Variants in TAOK3 observed in about 807,000 individuals in gnomAD.
TAOK3 encodes TAO kinase 3.
Under a neutral mutation model 120.4 loss-of-function variants are expected in TAOK3, and 40 were observed. The observed-to-expected ratio is 0.33, with a 90% CI of 0.26 to 0.43. The LOEUF (loss-of-function observed/expected upper bound fraction) is 0.43. Ranked by LOEUF, TAOK3 falls within the 20% of genes least tolerant of loss-of-function variation. The pLI, the probability that TAOK3 is intolerant of heterozygous loss-of-function variation, is 1.00. For synonymous variants in TAOK3, 355 were observed against 387.5 expected, an observed-to-expected ratio of 0.92 and a Z score of 0.99; for missense variants, 821 against 1,112.1, an observed-to-expected ratio of 0.74 and a Z score of 3.72.
At chr12:118,173,342 G>A (rs2036124054) in intron 16 of TAOK3, among the ~76,000 whole-genome samples, 1 of 152,188 alleles carries the variant, frequency 6.6e-6, no homozygotes, top group Admixed American at 6.5e-5. Context: ...CCAATATAAG[G>A]ACACTGATCT....
chr12:118,240,202 C>T (rs1343223600), intron 5 of TAOK3, among the ~76,000 whole-genome samples: 9 of 135,876 alleles, frequency 6.6e-5, no homozygotes, highest in African/African-American at 1.1e-4. Context: ...TTTTTTGAGA[C>T]GGAGTTCACT....
chr12:118,355,249 A>T (rs572317867), intron 1 of TAOK3, among the ~76,000 whole-genome samples: 3 of 152,242 alleles, frequency 2.0e-5, no homozygotes, highest in African/African-American at 7.2e-5. Flanking sequence ...AACAAAAAAA[A>T]TTTTTTTAGC....
At chr12:118,162,542 T>C (rs566956654) in intron 17 of TAOK3, among the ~76,000 whole-genome samples, 4 of 152,172 alleles carry the variant, frequency 2.6e-5, no homozygotes, top group Non-Finnish European at 4.4e-5. Flanking sequence ...GCAATCAAGA[T>C]TGAGAATTAA....
At chr12:118,155,380 G>T (rs1455983328) in intron 19 of TAOK3, among the ~76,000 whole-genome samples, 1 of 152,232 alleles carries the variant, frequency 6.6e-6, no homozygotes, top group Admixed American at 6.5e-5. Flanking sequence ...TGGCAAAGCT[G>T]AGTAGCTGTG....
intron 1 of TAOK3, among the ~76,000 whole-genome samples, chr12:118,268,365 A>C (rs375384208): frequency 2.0e-5 from 3 of 152,252 alleles, no homozygotes; most frequent in African/African-American, 7.2e-5. Context: ...ATGCTTGACT[A>C]GCATTGTAGA....
rs866908320 is a variant in TAOK3 at position 118,371,704 on chromosome 12, T to A, written c.-194+944A>T. On this transcript the variant is annotated intron_variant, in intron 1 of 20. Coordinates refer to ENST00000392533, the MANE Select transcript of TAOK3 (RefSeq NM_016281.4). The surrounding 1 kb of genome is among the most constrained non-coding windows in gnomAD (Gnocchi z 5.5). Reference sequence around the variant, plus strand: ...CCGTTCTTGGGGGGGCTCCCGCAACTCAGCGGGCGCGACCCCCCGCCCGCT... The same window carrying A: ...CCGTTCTTGGGGGGGCTCCCGCAACACAGCGGGCGCGACCCCCCGCCCGCT... 1.4e-4 allele frequency among the ~76,000 whole-genome samples: 22 copies of A among 151,896 alleles called. No homozygotes were observed. The highest frequency in any genetic ancestry group is 4.8e-4 in the African/African-American group (20 of 41,334).
At chr12:118,229,796 C>T (rs1036544741) in intron 9 of TAOK3, among the ~76,000 whole-genome samples, 14 of 151,724 alleles carry the variant, frequency 9.2e-5, no homozygotes, top group Non-Finnish European at 1.9e-4. Flanking sequence ...CCAGGCGTGG[C>T]GGCATGCACC....
chr12:118,176,524 T>C (rs900311739), intron 16 of TAOK3, among the ~76,000 whole-genome samples: 2 of 152,064 alleles, frequency 1.3e-5, no homozygotes, highest in African/African-American at 2.4e-5. Context: ...GGAAAATACA[T>C]AGGAAGAAGA....
At chr12:118,186,380 T>C (rs535951988) in intron 14 of TAOK3, among the ~76,000 whole-genome samples, 2 of 152,296 alleles carry the variant, frequency 1.3e-5, no homozygotes, top group African/African-American at 4.8e-5. Context: ...GCTCTTTATA[T>C]TAATATCTCT....
intron 1 of TAOK3, among the ~76,000 whole-genome samples, chr12:118,270,362 T>C (rs1010011665): frequency 1.3e-5 from 2 of 152,208 alleles, no homozygotes; most frequent in African/African-American, 4.8e-5. Flanking sequence ...CATAATCATC[T>C]TTCTAAAGCA....
At chr12:118,332,542 T>G (rs2044195593) in intron 1 of TAOK3, among the ~76,000 whole-genome samples, 1 of 152,202 alleles carries the variant, frequency 6.6e-6, no homozygotes, top group South Asian at 2.1e-4. Flanking sequence ...TTTTTTATTA[T>G]GAGGCTATAG....
At chr12:118,189,272 TA>T (rs1270858384) in intron 14 of TAOK3, among the ~76,000 whole-genome samples, 6 of 152,186 alleles carry the variant, frequency 3.9e-5, no homozygotes, top group African/African-American at 1.2e-4. Context: ...TTTCTACAAT[TA>T]TATACATTAT....
At chr12:118,212,795 G>T in intron 11 of TAOK3, 119 bp downstream of exon 11, 1 of 616,384 alleles carries the variant, frequency 1.6e-6, no homozygotes, top group South Asian at 2.3e-5. Context: ...CAGGATAAAT[G>T]ACAAGGCAGC....
At chr12:118,263,561 T>C (rs527303817) in intron 2 of TAOK3, among the ~76,000 whole-genome samples, 3 of 152,272 alleles carry the variant, frequency 2.0e-5, no homozygotes, top group African/African-American at 7.2e-5. Flanking sequence ...AAGCAAGATA[T>C]TGGGAGAAAA....
At chr12:118,152,623 A>C (rs753953133) in intron 19 of TAOK3, 9 of 512,690 alleles carry the variant, frequency 1.8e-5, no homozygotes, top group Non-Finnish European at 2.8e-5. Flanking sequence ...TCTTTTCAGT[A>C]TGATCTGAAA....
intron 1 of TAOK3, among the ~76,000 whole-genome samples, chr12:118,291,576 AACCTG>A (rs371879667): frequency 6.6e-6 from 1 of 152,200 alleles, no homozygotes; most frequent in African/African-American, 2.4e-5. Context: ...ACTTAAAACT[AACCTG>A]ACCTTTATTC....
At chr12:118,270,901 T>C (rs1464870691) in intron 1 of TAOK3, among the ~76,000 whole-genome samples, 1 of 152,000 alleles carries the variant, frequency 6.6e-6, no homozygotes, top group Non-Finnish European at 1.5e-5. Context: ...ATGATCTCGA[T>C]CTTCTGACCT....
At chr12:118,284,181 A>C (rs2042187488) in intron 1 of TAOK3, among the ~76,000 whole-genome samples, 1 of 152,200 alleles carries the variant, frequency 6.6e-6, no homozygotes. Flanking sequence ...TATTTTCTAC[A>C]TTGAACATGT....
intron 1 of TAOK3, among the ~76,000 whole-genome samples, chr12:118,268,865 G>A (rs756834768): frequency 3.3e-5 from 5 of 151,918 alleles, no homozygotes; most frequent in African/African-American, 7.2e-5. Context: ...AAAATTAGCC[G>A]GGTGTGGTGG....
Sources: allele counts gnomAD v4.1 joint callset (sites outside exome capture counted in the v4.1 genomes callset), GRCh38; gene constraint gnomAD v4.1.1; non-coding constraint Gnocchi (gnomAD v3.1); transcripts MANE v1.5; gene names NCBI Gene and HGNC (gene_info 2026-07-23, HGNC 2026-07-21).